COL15A1: variants seen among roughly 807,000 people sequenced by gnomAD.
COL15A1 encodes collagen type XV alpha 1 chain.
In COL15A1, 111 loss-of-function variants were observed where a neutral mutation model predicts 165.9. The observed-to-expected ratio is 0.67, with a 90% confidence interval of 0.57 to 0.78. COL15A1 has a LOEUF of 0.78. Ranked by LOEUF, COL15A1 falls within the 30% of genes least tolerant of loss-of-function variation. COL15A1 has a pLI of 0.00. For missense variants in COL15A1, 1,745 were observed against 1,789.7 expected (o/e 0.98, Z 0.45); for synonymous variants, 659 against 674.8 (o/e 0.98, Z 0.36).
chr9:99,026,329 A>G lies in COL15A1; in HGVS notation c.2043+363A>G, dbSNP rs1839123358. On this transcript the variant is annotated intron_variant, in intron 16 of 41. Transcript: ENST00000375001. The stretch of plus-strand genomic sequence containing the variant: ...CCACATCTCTCACTTTTGTCTCCCC[A>G]CTGAGCTGGACTCATCTCTTCTCAT... Among the ~76,000 whole-genome samples, 3 of 152,060 alleles carry G rather than the reference A, an allele frequency of 2.0e-5. No homozygotes were observed. The South Asian group carries it at 6.2e-4, about 32-fold the overall frequency.
chr9:99,057,061 C>T (rs966310958), intron 35 of COL15A1, among the ~76,000 whole-genome samples: 6 of 152,154 alleles, frequency 3.9e-5, no homozygotes, highest in Admixed American at 1.3e-4. Flanking sequence ...TCAGTATATA[C>T]GTAGGAGAAA....
chr9:99,025,699 G>A (rs1564065854), intron 15 of COL15A1, among the ~76,000 whole-genome samples: 1 of 152,196 alleles, frequency 6.6e-6, no homozygotes, highest in Non-Finnish European at 1.5e-5. Context: ...ATGTAATCCA[G>A]AGAGTGAAGG....
At chr9:98,950,251 G>T (rs1837658111) in intron 2 of COL15A1, among the ~76,000 whole-genome samples, 1 of 152,092 alleles carries the variant, frequency 6.6e-6, no homozygotes, top group South Asian at 2.1e-4. Context: ...CAAGTATGAC[G>T]AACCCCCAAA....
chr9:99,044,697 G>C (rs1001900866), intron 25 of COL15A1, 38 bp from the exon 26 acceptor site: 47 of 1,612,990 alleles, frequency 2.9e-5, no homozygotes, highest in Non-Finnish European at 3.9e-5. Context: ...CTTTGTTTCT[G>C]TCCCAAACAG....
In COL15A1 at chr9:99,044,756, G is replaced by C; in HGVS notation, c.2665G>C (p.Ala889Pro). The C allele has an allele frequency of 6.2e-7, 1 of 1,613,778 alleles. No homozygotes were observed. Among genetic ancestry groups the C allele is most frequent in the African/African-American group, 1.3e-5 (1 of 75,054 alleles). ...GKKGEPGMHG[A>P]PGPMGPKGPP... ...TTAGGGTGAACCTGGAATGCATGGA[G>C]CCCCAGGACCAATGGTAAGTCAGAG... The change falls in exon 26 of 42, where the codon GCC (alanine) becomes CCC (proline). Residue 889 changes from alanine (A) to proline (P), a missense_variant. Transcript: ENST00000375001.
intron 9 of COL15A1, among the ~76,000 whole-genome samples, chr9:99,014,107 T>G (rs1838891057): frequency 6.6e-6 from 1 of 152,062 alleles, no homozygotes; most frequent in Admixed American, 6.5e-5. Context: ...GGGAGAAAGA[T>G]CAGAACAACA....
chr9:99,027,894 A>C (rs1185974973), intron 16 of COL15A1, among the ~76,000 whole-genome samples: 3 of 152,236 alleles, frequency 2.0e-5, no homozygotes, highest in Non-Finnish European at 4.4e-5. Context: ...CTAATAAACC[A>C]AGGTGCATAT....
chr9:98,978,752 A>G (rs1408362573), intron 2 of COL15A1, among the ~76,000 whole-genome samples: 2 of 152,148 alleles, frequency 1.3e-5, no homozygotes, highest in African/African-American at 4.8e-5. Context: ...AAAAATATGT[A>G]GATGTCTTTA....
chr9:99,055,308 G>A lies in COL15A1; in HGVS notation c.3128G>A (p.Gly1043Glu), dbSNP rs2117919258. The change falls in exon 34 of 42, where the codon GGA (glycine) becomes GAA (glutamate). Residue 1043 changes from glycine to glutamate, a missense_variant. Physicochemically the swap from Gly to Glu is moderately conservative, Grantham distance 98. Transcript: ENST00000375001. ...TTCAAAGGTGAAAAAGGAGAAAAAG[G>A]AGACATTAATGGCAGCTTCCTTATG... is the stretch of plus-strand genomic sequence containing the variant. ...KGFKGEKGEK[G>E]DINGSFLMSG... is the part of the protein sequence containing the mutation. 2 of 1,614,068 alleles carry A rather than the reference G, an allele frequency of 1.2e-6. No homozygotes were observed. Among genetic ancestry groups the A allele is most frequent in the Non-Finnish European group, 1.7e-6 (2 of 1,179,928 alleles).
chr9:99,004,836 C>T, intron 8 of COL15A1, 62 bp from the exon 9 acceptor site: 1 of 1,603,958 alleles, frequency 6.2e-7, no homozygotes, highest in African/African-American at 1.3e-5. Context: ...CTGTTCCTTA[C>T]CACAGTGTGG....
chr9:98,986,014 C>T lies in COL15A1; in HGVS notation c.550C>T (p.Arg184Cys), dbSNP rs746005741. 3 of 1,614,094 alleles carry T rather than the reference C, an allele frequency of 1.9e-6. No homozygotes were observed. Among genetic ancestry groups the T allele is most frequent in the East Asian group, 2.2e-5 (1 of 44,880 alleles). The change falls in exon 3 of 42, where the codon CGC becomes TGC. Residue 184 changes from arginine (R) to cysteine (C), a missense_variant. Coordinates refer to ENST00000375001, the MANE Select transcript of COL15A1 (RefSeq NM_001855.5). ...CCTCGTGAACTGTGAGGAGCACAGCCGCATCCCCTTCCAGCGGTCCTCCCA... is the reference window on the plus strand; with the variant it reads ...CCTCGTGAACTGTGAGGAGCACAGCTGCATCCCCTTCCAGCGGTCCTCCCA... ...TLLVNCEEHS[R>C]IPFQRSSQAL... is the part of the protein sequence containing the mutation.
rs1468979728 is a variant in COL15A1 at position 98,954,955 on chromosome 9, A to G, written c.100+10705A>G. 2.6e-5 allele frequency among the ~76,000 whole-genome samples: 4 copies of G among 152,230 alleles called. No individual in the cohort carries two copies. In the South Asian group the frequency reaches 8.3e-4, roughly 32 times the overall value. The stretch of plus-strand genomic sequence containing the variant: ...TCTCCTTCATTCATCCATTTTGCAC[A>G]TGTCTGTGGAAGGGCTAGAAGAGGG... On this transcript the variant is annotated intron_variant, in intron 2 of 41. Transcript: ENST00000375001.
At chr9:99,052,528 C>T in intron 31 of COL15A1, 95 bp downstream of exon 31, 1 of 1,009,890 alleles carries the variant, frequency 9.9e-7, no homozygotes, top group Non-Finnish European at 1.6e-6. Context: ...ACTAGGTGGT[C>T]AGGAAGGTCT....
intron 9 of COL15A1, among the ~76,000 whole-genome samples, chr9:99,008,065 G>C (rs1031863805): frequency 1.3e-5 from 2 of 152,052 alleles, no homozygotes; most frequent in African/African-American, 2.4e-5. Context: ...TATTATACTT[G>C]GCCTGAGTAT....
chr9:99,007,592 G>C (rs950731565), intron 9 of COL15A1, among the ~76,000 whole-genome samples: 5 of 152,086 alleles, frequency 3.3e-5, no homozygotes, highest in Non-Finnish European at 5.9e-5. Context: ...GAAAATAGCG[G>C]GAGGGAGAAA....
intron 2 of COL15A1, among the ~76,000 whole-genome samples, chr9:98,963,210 C>G (rs1489016244): frequency 6.6e-6 from 1 of 152,198 alleles, no homozygotes. Context: ...TGAGAAGGCA[C>G]AGTTCACCAT....
chr9:98,981,656 G>A (rs889678291), intron 2 of COL15A1, among the ~76,000 whole-genome samples: 3 of 152,180 alleles, frequency 2.0e-5, no homozygotes, highest in Non-Finnish European at 4.4e-5. Flanking sequence ...ATACAAATGC[G>A]TGGGAGTGAT....
intron 14 of COL15A1, among the ~76,000 whole-genome samples, chr9:99,024,277 GTTTTTTTGT>G (rs1156892321): frequency 0.016 from 1,698 of 108,652 alleles, 44 homozygotes; most frequent in South Asian, 0.048. Context: ...AGTTTTTTTT[GTTTTTTTGT>G]TTTTTTTTTT....
At chr9:98,992,908 C>T (rs1433770680) in intron 5 of COL15A1, among the ~76,000 whole-genome samples, 1 of 152,144 alleles carries the variant, frequency 6.6e-6, no homozygotes, top group Admixed American at 6.5e-5. Context: ...TGAAATCAAT[C>T]CCCAGACTAT....
Sources: allele counts gnomAD v4.1 joint callset (sites outside exome capture counted in the v4.1 genomes callset), GRCh38; gene constraint gnomAD v4.1.1; transcripts MANE v1.5; gene names NCBI Gene and HGNC (gene_info 2026-07-23, HGNC 2026-07-21).